ITPK1: variants seen among roughly 807,000 people sequenced by gnomAD.
ITPK1 encodes the protein inositol 1,3,4-trisphosphate 5/6-kinase.
ITPK1 carries 21 observed loss-of-function variants against 45.3 expected under a neutral mutation model. The observed-to-expected ratio is 0.46, with a 90% CI of 0.33 to 0.67. ITPK1 has a LOEUF of 0.67. ITPK1 is among the 30% of genes least tolerant of loss of function. The pLI is 0.02. For missense variants in ITPK1, 474 were observed against 573.5 expected, an observed-to-expected ratio of 0.83 and a Z score of 1.77; for synonymous variants, 258 against 253.6, an observed-to-expected ratio of 1.02 and a Z score of -0.16.
intron 4 of ITPK1, among the ~76,000 whole-genome samples, chr14:93,011,248 C>T (rs1887889171): frequency 6.6e-6 from 1 of 152,188 alleles, no homozygotes; most frequent in African/African-American, 2.4e-5. Flanking sequence ...GTAGTTAACC[C>T]TCCGTGACCA....
intron 5 of ITPK1, among the ~76,000 whole-genome samples, chr14:92,972,407 C>T (rs899963397): frequency 2.0e-5 from 3 of 152,080 alleles, no homozygotes; most frequent in East Asian, 1.9e-4. Flanking sequence ...CATGTGCAGA[C>T]GTGGGGAGAT....
rs781715010 is a variant in ITPK1 at position 92,958,155 on chromosome 14, G to C, written c.670+46C>G. 6.3e-7 allele frequency: 1 copy of C among 1,594,932 alleles called. No homozygotes were observed. On this transcript the variant is annotated intron_variant, in intron 8 of 10. Coordinates refer to ENST00000267615, the MANE Select transcript of ITPK1 (RefSeq NM_014216.6). The surrounding 1 kb of genome is among the most constrained non-coding windows in gnomAD (Gnocchi z 4.4). ...GACAGCTGCTGCCACATCCCAGCTG[G>C]GCCCCTGAGTCTTGCTCAGCCCAAG...
chr14:93,024,735 T>C (rs1163375705), intron 3 of ITPK1, among the ~76,000 whole-genome samples: 2 of 152,178 alleles, frequency 1.3e-5, no homozygotes, highest in African/African-American at 4.8e-5. Context: ...ACTGTCACCA[T>C]TTTACACATG....
At chr14:92,953,537 T>G (rs974500482) in intron 8 of ITPK1, among the ~76,000 whole-genome samples, 1 of 152,232 alleles carries the variant, frequency 6.6e-6, no homozygotes, top group African/African-American at 2.4e-5. Flanking sequence ...GCCCACCTTC[T>G]CATCCTGTAG....
chr14:92,940,209 C>A lies in ITPK1; in HGVS notation c.*1352G>T. On this transcript the variant is annotated 3_prime_UTR_variant, in exon 11 of 11. Coordinates refer to ENST00000267615, the MANE Select transcript of ITPK1 (RefSeq NM_014216.6). Reference sequence around the variant, plus strand: ...CTCTAGCGTCCTCCATCTCACTGGGCAGAGGACAGCCCGGAAGCCTTTTTC... The same window carrying A: ...CTCTAGCGTCCTCCATCTCACTGGGAAGAGGACAGCCCGGAAGCCTTTTTC... The A allele has an allele frequency of 1.0e-6, 1 of 986,276 alleles. No homozygotes were observed. The allele number at this position is 986,276 out of a possible 1,614,324, so 61.1% of individuals were successfully genotyped here.
At chr14:93,103,354 G>A (rs1467317208) in intron 2 of ITPK1, among the ~76,000 whole-genome samples, 2 of 151,552 alleles carry the variant, frequency 1.3e-5, no homozygotes, top group Admixed American at 1.3e-4. Flanking sequence ...GGGAGGCAGA[G>A]GTTGCAGTGA....
At chr14:93,068,218 A>G (rs1890839700) in intron 3 of ITPK1, 1 of 152,272 alleles carries the variant, frequency 6.6e-6, no homozygotes, top group African/African-American at 2.4e-5. Flanking sequence ...AAAGATCCAC[A>G]GCCAGGAAAC....
At chr14:92,942,326 G>A (rs1394777410) in intron 10 of ITPK1, among the ~76,000 whole-genome samples, 2 of 152,186 alleles carry the variant, frequency 1.3e-5, no homozygotes, top group East Asian at 3.9e-4. Context: ...AAATACTCCT[G>A]AGGCCCAGCT....
chr14:92,995,174 C>G (rs1034934666), intron 4 of ITPK1, among the ~76,000 whole-genome samples: 1 of 152,194 alleles, frequency 6.6e-6, no homozygotes, highest in Admixed American at 6.5e-5. Context: ...CTGGGAGATT[C>G]CTGCAGCGTT....
Position 92,952,852 on chromosome 14 carries a change from GA to G in ITPK1, c.671-840del, listed in dbSNP as rs150327294. On this transcript the variant is annotated intron_variant, in intron 8 of 10. Transcript: ENST00000267615. ...TCAGAAACACGCTTGTAGGCACTGG[GA>G]AGCATTGGCACGCAAATGCAAGAAT... Among the ~76,000 whole-genome samples the G allele has an allele frequency of 7.7e-3, 1,170 of 152,362 alleles. 17 individuals carry two copies. Among genetic ancestry groups the G allele is most frequent in the African/African-American group, 0.027 (1,120 of 41,582 alleles).
In ITPK1 at chr14:93,063,952, G is replaced by C. The variant is rs1890636797; in HGVS notation, c.120+12643C>G. ...TAGAACTCTGAAGCAATCCTACTAGGTGCTTACTGCCCAGACAACAGGGCT... is the reference window on the plus strand; with the variant it reads ...TAGAACTCTGAAGCAATCCTACTAGCTGCTTACTGCCCAGACAACAGGGCT... On this transcript the variant is annotated intron_variant, in intron 3 of 10. Transcript: ENST00000267615. The surrounding 1 kb of genome is among the most constrained non-coding windows in gnomAD (Gnocchi z 4.3). Among the ~76,000 whole-genome samples the C allele has an allele frequency of 6.6e-6, 1 of 152,064 alleles. No homozygotes were observed.
rs187343537 is a variant in ITPK1 at position 93,063,029 on chromosome 14, T to C, written c.120+13566A>G. 8.5e-5 allele frequency among the ~76,000 whole-genome samples: 13 copies of C among 152,270 alleles called. No homozygotes were observed. Among genetic ancestry groups the C allele is most frequent in the African/African-American group, 3.1e-4 (13 of 41,558 alleles). ...GGGCCAGGCCTGGCATTTGTCAAGA[T>C]TTAACAAGTTCAGTAAATGTGCGCC... is the stretch of plus-strand genomic sequence containing the variant. On this transcript the variant is annotated intron_variant, in intron 3 of 10. Transcript: ENST00000267615. The surrounding 1 kb of genome is among the most constrained non-coding windows in gnomAD (Gnocchi z 4.3).
intron 2 of ITPK1, among the ~76,000 whole-genome samples, chr14:93,080,149 C>G (rs541791642): frequency 2.0e-5 from 3 of 152,268 alleles, no homozygotes; most frequent in African/African-American, 7.2e-5. Flanking sequence ...GATGCAAAAC[C>G]CTGTGTGCTG....
intron 5 of ITPK1, among the ~76,000 whole-genome samples, chr14:92,964,918 G>GTAGT: frequency 6.6e-6 from 1 of 152,270 alleles, no homozygotes; most frequent in Non-Finnish European, 1.5e-5. Context: ...ACTGTTCAAC[G>GTAGT]TAGTTACACA....
chr14:92,943,698 G>A (rs990101029), intron 10 of ITPK1, among the ~76,000 whole-genome samples: 4 of 152,246 alleles, frequency 2.6e-5, no homozygotes, highest in Non-Finnish European at 4.4e-5. Flanking sequence ...CTCCACGGAG[G>A]CCTGAGGATA....
At chr14:92,961,688 C>T (rs1465418474) in intron 7 of ITPK1, among the ~76,000 whole-genome samples, 2 of 152,178 alleles carry the variant, frequency 1.3e-5, no homozygotes, top group Non-Finnish European at 2.9e-5. Context: ...CAGGGCGGGC[C>T]GGACTGAGGC....
chr14:93,081,322 A>G (rs2139991410), intron 2 of ITPK1, among the ~76,000 whole-genome samples: 2 of 144,780 alleles, frequency 1.4e-5, no homozygotes, highest in East Asian at 3.9e-4. Flanking sequence ...CAACAGAGCG[A>G]GATGCCGTCT....
chr14:92,942,061 G>C (rs925459099), intron 10 of ITPK1, among the ~76,000 whole-genome samples, 157 bp from the exon 11 acceptor site: 2 of 152,188 alleles, frequency 1.3e-5, no homozygotes, highest in African/African-American at 4.8e-5. Context: ...CAGCAGATAA[G>C]GGGGGCTGAG....
chr14:93,013,128 C>T (rs1337796095), intron 4 of ITPK1, among the ~76,000 whole-genome samples: 1 of 152,218 alleles, frequency 6.6e-6, no homozygotes, highest in Non-Finnish European at 1.5e-5. Flanking sequence ...GCCCTGGGGG[C>T]CCCTGCCTGG....
Sources: gnomAD v4.1 joint callset for allele counts (sites outside exome capture counted in the v4.1 genomes callset) on GRCh38, gnomAD v4.1.1 for gene constraint, Gnocchi (gnomAD v3.1) non-coding constraint, MANE v1.5 for transcripts, NCBI Gene and HGNC (gene_info 2026-07-23, HGNC 2026-07-21) for gene names.